FBXO38: variants seen among roughly 807,000 people sequenced by gnomAD.
The protein encoded by FBXO38 is F-box protein 38.
FBXO38 carries 53 observed loss-of-function variants against 131.9 expected under a neutral mutation model. The ratio of observed to expected loss-of-function variants is 0.40; its 90% CI spans 0.32 to 0.51. The LOEUF (loss-of-function observed/expected upper bound fraction) is 0.51, where lower values mean the gene tolerates loss of function less well. Among genes scored for constraint, FBXO38 ranks in the 20% least tolerant of loss-of-function variants. The probability of loss-of-function intolerance (pLI) is 0.53; values close to 1 mark genes in which losing one functional copy is unlikely to be tolerated. For missense variants in FBXO38, 1,076 were observed against 1,475.6 expected, an observed-to-expected ratio of 0.73 and a Z score of 4.44; for synonymous variants, 452 against 505.6, an observed-to-expected ratio of 0.89 and a Z score of 1.42.
chr5:148,422,890 G>A (rs906338471), intron 12 of FBXO38, among the ~76,000 whole-genome samples: 2 of 152,084 alleles, frequency 1.3e-5, no homozygotes, highest in African/African-American at 4.8e-5. Context: ...ACAATCTGGG[G>A]CCCAGGCTAC....
intron 21 of FBXO38, 41 bp from the exon 22 acceptor site, chr5:148,441,928 G>C (rs181273610): frequency 7.7e-6 from 12 of 1,556,052 alleles, no homozygotes; most frequent in Admixed American, 3.5e-5. Flanking sequence ...AAATGATTCT[G>C]ATTATCATAT....
intron 2 of FBXO38, among the ~76,000 whole-genome samples, chr5:148,396,914 A>G (rs138983768): frequency 3.9e-5 from 6 of 152,000 alleles, no homozygotes; most frequent in African/African-American, 1.5e-4. Flanking sequence ...CCATTGGACC[A>G]TAATCTAAAT....
rs138371778 is a variant in FBXO38, at chr5:148,419,614, A to G, written c.1618+2410A>G. The stretch of plus-strand genomic sequence containing the variant: ...ACTTTTCACGTCTGGGCCAGGTGCA[A>G]TGCACATGCCTGTAACCTCAGGAGG... On this transcript the variant is annotated intron_variant, in intron 12 of 21. Transcript: ENST00000340253. Among the ~76,000 whole-genome samples, 29 of 152,294 alleles carry G rather than the reference A, an allele frequency of 1.9e-4. No homozygotes were observed. In the East Asian group the frequency reaches 3.5e-3, roughly 18 times the overall value.
At chr5:148,411,763 T>C (rs1369864922) in intron 9 of FBXO38, among the ~76,000 whole-genome samples, 1 of 152,184 alleles carries the variant, frequency 6.6e-6, no homozygotes, top group East Asian at 1.9e-4. Context: ...AAAGATCAGC[T>C]TTTCTCCAAA....
Position 148,427,879 on chromosome 5 carries a change from A to C in FBXO38, c.2585A>C (p.Asp862Ala), listed in dbSNP as rs2113630467. The change falls in exon 15 of 22, where the codon GAC becomes GCC. Residue 862 changes from aspartate to alanine, a missense_variant. By Grantham distance (126) the Asp-to-Ala change is moderately radical (BLOSUM62 -2). Coordinates refer to ENST00000340253, the MANE Select transcript of FBXO38 (RefSeq NM_205836.3). ...AGTTGTGACGTGCAGTCTAATGAAG[A>C]CTACCCTCGGAGGCCCCTAACCAGG... The part of the protein sequence containing the change: ...PESCDVQSNE[D>A]YPRRPLTRAR... 6.4e-7 allele frequency: 1 copy of C among 1,562,090 alleles called. No individual in the cohort carries two copies. The highest frequency in any genetic ancestry group is 1.4e-5 in the African/African-American group (1 of 73,448).
intron 3 of FBXO38, among the ~76,000 whole-genome samples, chr5:148,401,153 G>A (rs147640975): frequency 6.9e-4 from 105 of 152,194 alleles, no homozygotes; most frequent in Non-Finnish European, 1.0e-3. Context: ...TCATTAATAA[G>A]CAGACAGTTG....
At chr5:148,401,119 C>G (rs1387044841) in intron 3 of FBXO38, among the ~76,000 whole-genome samples, 2 of 152,086 alleles carry the variant, frequency 1.3e-5, no homozygotes, top group Non-Finnish European at 2.9e-5. Context: ...ACTTTTTGTT[C>G]TTGACAGTTA....
Position 148,404,729 on chromosome 5 carries a change from C to G in FBXO38, c.637C>G (p.Leu213Val), listed in dbSNP as rs768270226. The change falls in exon 6 of 22, where the codon CTT (leucine) becomes GTT (valine). Residue 213 changes from leucine to valine, a missense_variant. This residue lies in a region of FBXO38 where 66 missense variants were observed against 72.4 expected (regional missense o/e 0.91). Coordinates refer to ENST00000340253, the MANE Select transcript of FBXO38 (RefSeq NM_205836.3). Reference protein sequence around the residue: ...EIPCIPMLRHLYMKWVRLTKP... With the variant: ...EIPCIPMLRHVYMKWVRLTKP... ...TCCTTGTATCCCAATGCTAAGGCAC[C>G]TTTATATGAAGTGGGTAAGACTCAC... is the stretch of plus-strand genomic sequence containing the variant. The G allele has an allele frequency of 6.2e-7, 1 of 1,602,560 alleles. No homozygotes were observed. The highest frequency in any genetic ancestry group is 2.3e-5 in the East Asian group (1 of 44,106).
At chr5:148,433,337 T>C in intron 15 of FBXO38, 87 bp from the exon 16 acceptor site, 1 of 859,858 alleles carries the variant, frequency 1.2e-6, no homozygotes. Context: ...ATTACCTTGA[T>C]TATGTTCATA....
intron 1 of FBXO38, among the ~76,000 whole-genome samples, chr5:148,391,777 T>C (rs1434974720): frequency 1.3e-5 from 2 of 152,230 alleles, no homozygotes; most frequent in Admixed American, 1.3e-4. Context: ...TTTCAAATGA[T>C]GGAGAATAAT....
rs552281055 is a variant in FBXO38 at position 148,393,040 on chromosome 5, G to C, written c.-63-1674G>C. Among the ~76,000 whole-genome samples, 10 of 152,174 alleles carry C rather than the reference G, an allele frequency of 6.6e-5. No homozygotes were observed. The South Asian group carries it at 2.1e-3, about 32-fold the overall frequency. On this transcript the variant is annotated intron_variant, in intron 1 of 21. Coordinates refer to ENST00000340253, the MANE Select transcript of FBXO38 (RefSeq NM_205836.3). ...ACTTTATTTTTCCGGAGGCCTCTTAGCCAAAATGTGATAGACAACATAGGA... is the reference window on the plus strand; with the variant it reads ...ACTTTATTTTTCCGGAGGCCTCTTACCCAAAATGTGATAGACAACATAGGA...
intron 10 of FBXO38, among the ~76,000 whole-genome samples, chr5:148,415,001 G>A (rs574511865): frequency 3.8e-4 from 58 of 152,174 alleles, no homozygotes; most frequent in Middle Eastern, 3.4e-3. Context: ...TCACTTGACC[G>A]GGATCTGTAT....
At chr5:148,408,429 T>G (rs189875901) in intron 7 of FBXO38, among the ~76,000 whole-genome samples, 53 of 152,352 alleles carry the variant, frequency 3.5e-4, no homozygotes, top group African/African-American at 1.2e-3. Flanking sequence ...TTAAGATTGT[T>G]CATAGAAGCA....
chr5:148,398,587 A>G (rs1751951222), intron 2 of FBXO38, among the ~76,000 whole-genome samples: 1 of 152,090 alleles, frequency 6.6e-6, no homozygotes, highest in African/African-American at 2.4e-5. Flanking sequence ...ATTCTGTAAA[A>G]GATACGAAAT....
In FBXO38 at chr5:148,398,979, A is replaced by C. The variant is rs769047668; in HGVS notation, c.129-20A>C. 13 of 1,612,430 alleles carry C rather than the reference A, an allele frequency of 8.1e-6. No homozygotes were observed. Among genetic ancestry groups the C allele is most frequent in the Non-Finnish European group, 1.1e-5 (13 of 1,179,072 alleles). On this transcript the variant is annotated intron_variant, in intron 2 of 21. Transcript: ENST00000340253. The stretch of plus-strand genomic sequence containing the variant: ...AATACTTATCCACTTGATAAATACG[A>C]GTTTCTTTCTCTCACAAAGGTACCT...
intron 1 of FBXO38, among the ~76,000 whole-genome samples, chr5:148,394,186 T>C (rs1238302514): frequency 4.6e-5 from 7 of 152,190 alleles, no homozygotes; most frequent in African/African-American, 1.7e-4. Context: ...ATGACTAATC[T>C]AATCTCTGAC....
chr5:148,416,004 G>A lies in FBXO38; in HGVS notation c.1341G>A (p.Gln447=), dbSNP rs1255972131. The stretch of plus-strand genomic sequence containing the variant: ...CTTTGAAGCTGGACTCTTTTGGCCA[G>A]TTTATTGAATTATTACCCAGCCTAG... ...CHALKLDSFG[Q]FIELLPSLEF... is the part of the protein sequence containing the mutation. The change falls in exon 11 of 22, where the codon CAG becomes CAA. Residue 447 remains glutamine (Q), a synonymous_variant. Coordinates refer to ENST00000340253, the MANE Select transcript of FBXO38 (RefSeq NM_205836.3). 1 of 1,612,668 alleles carries A rather than the reference G, an allele frequency of 6.2e-7. No individual in the cohort carries two copies. The highest frequency in any genetic ancestry group is 2.2e-5 in the East Asian group (1 of 44,820).
chr5:148,402,715 A>T (rs1369009447), intron 5 of FBXO38: 1 of 436,294 alleles, frequency 2.3e-6, no homozygotes, highest in Non-Finnish European at 4.1e-6. Context: ...TCACAAGTGT[A>T]CATTCTCCAT....
In FBXO38 at chr5:148,395,525, T is replaced by C. The variant is rs533216276; in HGVS notation, c.128+621T>C. 4.4e-4 allele frequency among the ~76,000 whole-genome samples: 67 copies of C among 152,252 alleles called. No individual in the cohort carries two copies. In the South Asian group the frequency reaches 0.013, roughly 31 times the overall value. ...CATTCTAGTTTCCACTGCTCTCTTC[T>C]TTCAATTATTGTCCTTATTTATATA... On this transcript the variant is annotated intron_variant, in intron 2 of 21. Coordinates refer to ENST00000340253, the MANE Select transcript of FBXO38 (RefSeq NM_205836.3).
Sources: allele counts gnomAD v4.1 joint callset (sites outside exome capture counted in the v4.1 genomes callset), GRCh38; gene constraint gnomAD v4.1.1; regional missense constraint gnomAD v4.1.1; transcripts MANE v1.5; gene names NCBI Gene and HGNC (gene_info 2026-07-23, HGNC 2026-07-21).